The following DLGAP2 variants were observed in gnomAD, a reference collection of about 807,000 sequenced individuals.
DLGAP2 encodes the protein DLG associated protein 2.
A neutral mutation model predicts 100.3 loss-of-function variants in DLGAP2; 26 were observed. The observed-to-expected ratio is 0.26, with a 90% confidence interval of 0.19 to 0.36. The LOEUF is 0.36. Among genes scored for constraint, DLGAP2 ranks in the 10% least tolerant of loss-of-function variants. The probability of loss-of-function intolerance (pLI) is 1.00; values close to 1 mark genes in which losing one functional copy is unlikely to be tolerated. For synonymous variants in DLGAP2, 886 were observed against 630.1 expected (o/e 1.41, Z -6.08); for missense variants, 1,858 against 1,453.2 (o/e 1.28, Z -4.53).
chr8:1,030,155 A>G (rs2129027700), intron 2 of DLGAP2, among the ~76,000 whole-genome samples: 1 of 152,250 alleles, frequency 6.6e-6, no homozygotes, highest in East Asian at 1.9e-4. Flanking sequence ...TCCTCCTCTT[A>G]CAACAGTCTA....
chr8:1,682,375 TATTCTATAAATTATGCC>T (rs1177782463), intron 12 of DLGAP2, among the ~76,000 whole-genome samples: 2 of 152,254 alleles, frequency 1.3e-5, no homozygotes, highest in East Asian at 3.8e-4. Flanking sequence ...CATTCCAGAA[TATTCTATAAATTATGCC>T]ATAAAAATAC....
chr8:1,581,099 AG>A (rs1803228182), intron 6 of DLGAP2, among the ~76,000 whole-genome samples: 1 of 152,072 alleles, frequency 6.6e-6, no homozygotes, highest in Middle Eastern at 3.4e-3. Context: ...TCAAACTACC[AG>A]AAGTGAAGGA....
intron 3 of DLGAP2, among the ~76,000 whole-genome samples, chr8:1,289,997 G>T (rs1236508010): frequency 6.6e-6 from 1 of 152,208 alleles, no homozygotes; most frequent in African/African-American, 2.4e-5. Flanking sequence ...AGGGGTAGCT[G>T]CTGAAAAAGG....
At chr8:1,056,075 C>G (rs916346044) in intron 2 of DLGAP2, among the ~76,000 whole-genome samples, 4 of 152,202 alleles carry the variant, frequency 2.6e-5, no homozygotes, top group African/African-American at 7.2e-5. Flanking sequence ...TATTTCACCA[C>G]TGAGTAAGCA....
chr8:1,565,588 T>C (rs1802364573), intron 5 of DLGAP2, 95 bp from the exon 6 acceptor site: 1 of 951,158 alleles, frequency 1.1e-6, no homozygotes, highest in East Asian at 2.7e-5. Flanking sequence ...AGGTGTATCT[T>C]TATGGAATTG....
At chr8:989,712 A>G (rs962637552) in intron 2 of DLGAP2, among the ~76,000 whole-genome samples, 2 of 152,162 alleles carry the variant, frequency 1.3e-5, no homozygotes, top group African/African-American at 4.8e-5. Flanking sequence ...TGAAACTGCA[A>G]TTAGTTTAAA....
At chr8:1,452,865 G>C (rs1222365575) in intron 3 of DLGAP2, among the ~76,000 whole-genome samples, 1 of 152,182 alleles carries the variant, frequency 6.6e-6, no homozygotes, top group African/African-American at 2.4e-5. Flanking sequence ...CCATTAAAGA[G>C]TCTCTGTTTT....
chr8:1,573,080 C>G (rs1440314525), intron 6 of DLGAP2, among the ~76,000 whole-genome samples: 2 of 77,892 alleles, frequency 2.6e-5, no homozygotes, highest in Non-Finnish European at 4.7e-5. Context: ...GTGGGGGCAT[C>G]TGATGAGATG....
At chr8:1,032,341 G>A (rs556392045) in intron 2 of DLGAP2, among the ~76,000 whole-genome samples, 6 of 152,336 alleles carry the variant, frequency 3.9e-5, no homozygotes, top group South Asian at 2.1e-4. Context: ...GGACAGTGCC[G>A]TCTGCCTGCC....
At chr8:740,626 C>T (rs976559179) in intron 1 of DLGAP2, among the ~76,000 whole-genome samples, 1 of 152,180 alleles carries the variant, frequency 6.6e-6, no homozygotes, top group Non-Finnish European at 1.5e-5. Context: ...CAGAACCCAA[C>T]TAATTCTGAA....
At chr8:1,233,450 G>A (rs115027722) in intron 2 of DLGAP2, among the ~76,000 whole-genome samples, 1 of 152,270 alleles carries the variant, frequency 6.6e-6, no homozygotes, top group South Asian at 2.1e-4. Context: ...TGCCTACCAC[G>A]GGCCTGAATG....
chr8:1,367,987 C>T (rs1389146854), intron 3 of DLGAP2, among the ~76,000 whole-genome samples: 2 of 152,210 alleles, frequency 1.3e-5, no homozygotes, highest in Non-Finnish European at 2.9e-5. Context: ...GATTCACCTC[C>T]CTCCTCAGTC....
At chr8:1,450,756 C>G (rs1446030823) in intron 3 of DLGAP2, among the ~76,000 whole-genome samples, 1 of 152,080 alleles carries the variant, frequency 6.6e-6, no homozygotes, top group Non-Finnish European at 1.5e-5. Context: ...CGCAGCATGG[C>G]TATGTCTCTG....
At chr8:1,011,409 C>A (rs999587692) in intron 2 of DLGAP2, among the ~76,000 whole-genome samples, 1 of 148,248 alleles carries the variant, frequency 6.7e-6, no homozygotes, top group African/African-American at 2.5e-5. Context: ...GAGTCTCAGT[C>A]TACACAGTGA....
At chr8:1,427,379 CAA>C (rs1369474486) in intron 3 of DLGAP2, among the ~76,000 whole-genome samples, 1 of 152,126 alleles carries the variant, frequency 6.6e-6, no homozygotes, top group African/African-American at 2.4e-5. Flanking sequence ...CAAAGAGTAA[CAA>C]AATCAATTAC....
intron 12 of DLGAP2, among the ~76,000 whole-genome samples, chr8:1,681,953 A>G (rs565213703): frequency 7.3e-6 from 1 of 136,802 alleles, no homozygotes; most frequent in Non-Finnish European, 1.5e-5. Context: ...CCTTCCCAGC[A>G]GTGATCTGGG....
chr8:1,176,326 G>A (rs964442095), intron 2 of DLGAP2, among the ~76,000 whole-genome samples: 4 of 152,072 alleles, frequency 2.6e-5, no homozygotes, highest in African/African-American at 7.2e-5. Flanking sequence ...CAGGTTCCTC[G>A]CTCCACACAT....
intron 3 of DLGAP2, among the ~76,000 whole-genome samples, chr8:1,455,355 G>A (rs1022389959): frequency 5.9e-5 from 9 of 152,242 alleles, no homozygotes; most frequent in Non-Finnish European, 8.8e-5. Flanking sequence ...GGCCAAGGCC[G>A]CTGCAGACTG....
chr8:1,513,250 G>A (rs1174195859), intron 4 of DLGAP2, among the ~76,000 whole-genome samples: 13 of 133,954 alleles, frequency 9.7e-5, no homozygotes, highest in African/African-American at 3.3e-4. Flanking sequence ...GGCAAGACGA[G>A]AGAGGCCACA....
Sources: gnomAD v4.1 joint callset for allele counts (sites outside exome capture counted in the v4.1 genomes callset) on GRCh38, gnomAD v4.1.1 for gene constraint, MANE v1.5 for transcripts, NCBI Gene and HGNC (gene_info 2026-07-23, HGNC 2026-07-21) for gene names.